Variants in DSCAM observed in about 807,000 individuals in gnomAD.
DSCAM encodes cell adhesion molecule DSCAM.
A neutral mutation model predicts 217.7 loss-of-function variants in DSCAM; 47 were observed. That is an observed-to-expected ratio of 0.22 (90% CI 0.17 to 0.28). The LOEUF (loss-of-function observed/expected upper bound fraction) is 0.28, where lower values mean the gene tolerates loss of function less well. Ranked by LOEUF, DSCAM falls within the 10% of genes least tolerant of loss-of-function variation. The probability of loss-of-function intolerance (pLI) is 1.00; values close to 1 mark genes in which losing one functional copy is unlikely to be tolerated. For missense variants in DSCAM, 2,080 were observed against 2,618.3 expected (o/e 0.79, Z 4.49); for synonymous variants, 1,056 against 1,015.3 (o/e 1.04, Z -0.76).
In DSCAM at chr21:40,181,051, C is replaced by A. The variant is rs185345693; in HGVS notation, c.2780-1957G>T. 8.3e-4 allele frequency among the ~76,000 whole-genome samples: 127 copies of A among 152,250 alleles called. 1 individual carries two copies. The East Asian group carries it at 0.015, about 18-fold the overall frequency. On this transcript the variant is annotated intron_variant, in intron 14 of 32. Coordinates refer to ENST00000400454, the MANE Select transcript of DSCAM (RefSeq NM_001389.5). ...ACTACCACTAACTCCCTCCAATGGG[C>A]TGGGGGACCCGTTACAAAGCCCATC...
chr21:40,460,308 A>C (rs1260680022), intron 3 of DSCAM, among the ~76,000 whole-genome samples: 1 of 152,196 alleles, frequency 6.6e-6, no homozygotes, highest in Admixed American at 6.5e-5. Context: ...TGTTTTAAAA[A>C]GTTGGAAGAA....
chr21:40,800,362 G>A (rs890571588), intron 1 of DSCAM, among the ~76,000 whole-genome samples: 3 of 152,190 alleles, frequency 2.0e-5, no homozygotes, highest in Non-Finnish European at 2.9e-5. Flanking sequence ...TTGGAACTGG[G>A]TAATGGGCAG....
Position 40,013,335 on chromosome 21 carries a change from C to T in DSCAM, c.5738G>A (p.Arg1913Gln), listed in dbSNP as rs758651554. 14 of 1,602,944 alleles carry T rather than the reference C, an allele frequency of 8.7e-6. No individual in the cohort carries two copies. Among genetic ancestry groups the T allele is most frequent in the South Asian group, 2.3e-5 (2 of 88,768 alleles). Residue 1913 changes from arginine (R) to glutamine (Q), a missense_variant, in exon 33 of 33, where the codon CGA (arginine) becomes CAA (glutamine). Around this residue, in one of 5 missense-constraint regions of DSCAM, gnomAD observed 145 missense variants for 138.5 expected, o/e 1.05. Transcript: ENST00000400454. ...PYLRMDFLLNRGGPGTSRDLS... is the reference protein window; with the variant it reads ...PYLRMDFLLNQGGPGTSRDLS... ...GTCCCTGCTGGTGCCTGGACCACCT[C>T]GGTTTAACAAAAAGTCCATTCTAAG...
chr21:40,492,500 A>G (rs1229669910), intron 3 of DSCAM, among the ~76,000 whole-genome samples: 1 of 152,150 alleles, frequency 6.6e-6, no homozygotes, highest in Non-Finnish European at 1.5e-5. Context: ...TGAGATCAGG[A>G]AACAATAAAT....
chr21:40,625,697 C>T (rs765100629), intron 3 of DSCAM, among the ~76,000 whole-genome samples: 37 of 152,180 alleles, frequency 2.4e-4, no homozygotes, highest in Non-Finnish European at 1.6e-4. Context: ...ATCTGCACCA[C>T]GACAGCTTAT....
At chr21:40,122,212 A>G (rs1662636361) in intron 20 of DSCAM, among the ~76,000 whole-genome samples, 1 of 152,228 alleles carries the variant, frequency 6.6e-6, no homozygotes, top group South Asian at 2.1e-4. Context: ...TACAGCCTGT[A>G]TCATCCACAA....
chr21:40,846,602 C>A lies in DSCAM; in HGVS notation c.43+17G>T. The A allele has an allele frequency of 8.1e-7, 1 of 1,233,464 alleles. No individual in the cohort carries two copies. The highest frequency in any genetic ancestry group is 1.0e-6 in the Non-Finnish European group (1 of 972,782). The allele number at this position is 1,233,464 out of a possible 1,614,324, so 76.4% of individuals were successfully genotyped here. A position where few individuals can be genotyped will look rare whatever the true frequency, so the allele number is the denominator to read the frequency against. ...AATGATAAGGAAACGAAATTCATCA[C>A]AAACCGAAAGGCTCACCATTCGCGA... is the stretch of plus-strand genomic sequence containing the variant. On this transcript the variant is annotated intron_variant, in intron 1 of 32. Transcript: ENST00000400454.
chr21:40,808,825 A>G (rs1378450753), intron 1 of DSCAM, among the ~76,000 whole-genome samples: 2 of 152,080 alleles, frequency 1.3e-5, no homozygotes, highest in South Asian at 2.1e-4. Flanking sequence ...TGGACCTGCT[A>G]TTCAGTGTGG....
At chr21:40,444,716 ATGT>A (rs1299029002) in intron 3 of DSCAM, among the ~76,000 whole-genome samples, 1 of 152,206 alleles carries the variant, frequency 6.6e-6, no homozygotes, top group African/African-American at 2.4e-5. Flanking sequence ...GAGGCCCATG[ATGT>A]TGTAACTTGC....
At chr21:40,334,981 A>G (rs1021022939) in intron 8 of DSCAM, among the ~76,000 whole-genome samples, 3 of 152,140 alleles carry the variant, frequency 2.0e-5, no homozygotes, top group Admixed American at 6.5e-5. Context: ...AGGGCCTTTT[A>G]GTGTTTTCTT....
At chr21:40,563,942 A>G (rs1292997584) in intron 3 of DSCAM, among the ~76,000 whole-genome samples, 5 of 152,162 alleles carry the variant, frequency 3.3e-5, no homozygotes, top group African/African-American at 7.2e-5. Context: ...ATGAAAAAGC[A>G]CATTTCAGGG....
chr21:40,293,134 C>G (rs1326517595), intron 10 of DSCAM, among the ~76,000 whole-genome samples: 1 of 152,108 alleles, frequency 6.6e-6, no homozygotes, highest in South Asian at 2.1e-4. Flanking sequence ...TCCAACACCC[C>G]CTCTGACTTA....
intron 1 of DSCAM, among the ~76,000 whole-genome samples, chr21:40,779,988 G>A (rs903070002): frequency 1.3e-5 from 2 of 152,214 alleles, no homozygotes; most frequent in Non-Finnish European, 2.9e-5. Context: ...ATCAAATTCA[G>A]AAGTGTGTCC....
At chr21:40,015,080 C>T (rs374747386) in intron 32 of DSCAM, among the ~76,000 whole-genome samples, 11 of 152,184 alleles carry the variant, frequency 7.2e-5, no homozygotes, top group Admixed American at 2.0e-4. Flanking sequence ...TGCTCTCAGG[C>T]CTCTCTCGGA....
intron 3 of DSCAM, among the ~76,000 whole-genome samples, chr21:40,457,175 T>A (rs1162730867): frequency 6.6e-6 from 1 of 152,196 alleles, no homozygotes; most frequent in Non-Finnish European, 1.5e-5. Context: ...ACTTTATAAT[T>A]TCATCTCTGG....
chr21:40,335,685 T>C (rs1329220196), intron 8 of DSCAM, among the ~76,000 whole-genome samples: 1 of 152,228 alleles, frequency 6.6e-6, no homozygotes, highest in Non-Finnish European at 1.5e-5. Flanking sequence ...GCCTCATTTG[T>C]AATGGTCAAA....
intron 3 of DSCAM, among the ~76,000 whole-genome samples, chr21:40,453,472 T>C (rs2075738610): frequency 6.6e-6 from 1 of 152,198 alleles, no homozygotes; most frequent in Non-Finnish European, 1.5e-5. Flanking sequence ...AACAACAAAA[T>C]GCATGTTTTC....
intron 1 of DSCAM, among the ~76,000 whole-genome samples, chr21:40,816,790 C>G (rs2091885078): frequency 6.6e-6 from 1 of 152,066 alleles, no homozygotes; most frequent in Non-Finnish European, 1.5e-5. Context: ...AGTCTTGAGA[C>G]TATATGCCCA....
At chr21:40,686,081 GCCCA>G (rs2090469925) in intron 3 of DSCAM, among the ~76,000 whole-genome samples, 2 of 151,830 alleles carry the variant, frequency 1.3e-5, no homozygotes, top group Non-Finnish European at 2.9e-5. Flanking sequence ...TGACTGAGTG[GCCCA>G]ACAAATGAGG....
Sources: allele counts gnomAD v4.1 joint callset (sites outside exome capture counted in the v4.1 genomes callset), GRCh38; gene constraint gnomAD v4.1.1; regional missense constraint gnomAD v4.1.1; transcripts MANE v1.5; gene names NCBI Gene and HGNC (gene_info 2026-07-23, HGNC 2026-07-21).